PHC3: variants seen among roughly 807,000 people sequenced by gnomAD.
PHC3 encodes the protein polyhomeotic homolog 3.
A neutral mutation model predicts 107.4 loss-of-function variants in PHC3; 13 were observed. That is an observed-to-expected ratio of 0.12 (90% CI 0.08 to 0.19). The LOEUF is 0.19. Ranked by LOEUF, PHC3 falls within the 10% of genes least tolerant of loss-of-function variation. The pLI, the probability that PHC3 is intolerant of heterozygous loss-of-function variation, is 1.00. For missense variants in PHC3, 992 were observed against 1,210.9 expected (o/e 0.82, Z 2.68); for synonymous variants, 456 against 427.4 (o/e 1.07, Z -0.83).
intron 10 of PHC3, among the ~76,000 whole-genome samples, chr3:170,115,879 A>T (rs868511667): frequency 6.9e-6 from 1 of 144,226 alleles, no homozygotes; most frequent in Non-Finnish European, 1.5e-5. Context: ...CAAGTTTCTC[A>T]CACACACACA....
At chr3:170,168,867 A>C (rs1729153150) in intron 4 of PHC3, among the ~76,000 whole-genome samples, 1 of 152,104 alleles carries the variant, frequency 6.6e-6, no homozygotes, top group South Asian at 2.1e-4. Flanking sequence ...TTACCTATAC[A>C]TTCAATTAAC....
Position 170,129,533 on chromosome 3 carries a change from C to G in PHC3, c.939G>C (p.Gln313His). The G allele has an allele frequency of 6.2e-7, 1 of 1,613,064 alleles. No homozygotes were observed. The highest frequency in any genetic ancestry group is 2.2e-5 in the East Asian group (1 of 44,862). ...GCTGATGTTTTATTAGAGAATGAGG[C>G]TGAATTGGAGAATATGAAGCTGTGA... Reference protein sequence around the residue: ...LIAPASYSPIQPHSLIKHQQI... With the variant: ...LIAPASYSPIHPHSLIKHQQI... The change falls in exon 8 of 15, where the codon CAG becomes CAC. Residue 313 changes from glutamine (Q) to histidine (H), a missense_variant. This residue lies in a region of PHC3 where 543 missense variants were observed against 590.8 expected (regional missense o/e 0.92). Transcript: ENST00000495893.
chr3:170,107,011 G>A (rs1054721692), intron 11 of PHC3, 65 bp from the exon 12 acceptor site: 32 of 1,200,686 alleles, frequency 2.7e-5, no homozygotes, highest in Non-Finnish European at 3.5e-5. Context: ...TTTTCTTTAA[G>A]TCTATACTTT....
intron 4 of PHC3, among the ~76,000 whole-genome samples, chr3:170,159,517 AAC>A (rs940573231): frequency 6.6e-6 from 1 of 152,208 alleles, no homozygotes; most frequent in African/African-American, 2.4e-5. Flanking sequence ...CAGAAAGGTC[AAC>A]ATTCAACCAA....
At chr3:170,115,877 T>TCACACACA (rs148039100) in intron 10 of PHC3, among the ~76,000 whole-genome samples, 49,670 of 148,320 alleles carry the variant, frequency 0.33, 8,081 homozygotes, top group Admixed American at 0.42. Context: ...TCCAAGTTTC[T>TCACACACA]CACACACACA....
chr3:170,140,645 C>G (rs137973102), intron 6 of PHC3, among the ~76,000 whole-genome samples: 1,530 of 122,068 alleles, frequency 0.013, 41 homozygotes, highest in African/African-American at 0.046. Flanking sequence ...CCACGCCGGA[C>G]TGTAGTGGTG....
intron 2 of PHC3, among the ~76,000 whole-genome samples, chr3:170,176,286 G>A (rs1405304846): frequency 2.7e-5 from 4 of 150,134 alleles, no homozygotes; most frequent in African/African-American, 7.3e-5. Flanking sequence ...CTCAGAGAAA[G>A]GTAAAAAACA....
At chr3:170,121,770 A>G (rs893396747) in intron 9 of PHC3, among the ~76,000 whole-genome samples, 2 of 152,232 alleles carry the variant, frequency 1.3e-5, no homozygotes, top group African/African-American at 4.8e-5. Context: ...TTTGGAAAGC[A>G]TTATTTAAAT....
intron 14 of PHC3, among the ~76,000 whole-genome samples, chr3:170,100,055 T>G (rs969360910): frequency 1.3e-5 from 2 of 152,160 alleles, no homozygotes; most frequent in Non-Finnish European, 2.9e-5. Context: ...TGTTAACAGC[T>G]CTGAGATTCT....
intron 5 of PHC3, among the ~76,000 whole-genome samples, 172 bp from the exon 6 acceptor site, chr3:170,145,693 C>T (rs1171620812): frequency 6.6e-6 from 1 of 152,006 alleles, no homozygotes; most frequent in Non-Finnish European, 1.5e-5. Flanking sequence ...TAATAGAGAA[C>T]TCAAAAAAAA....
intron 4 of PHC3, among the ~76,000 whole-genome samples, chr3:170,168,948 G>A (rs1298895209): frequency 6.6e-6 from 1 of 150,512 alleles, no homozygotes; most frequent in Non-Finnish European, 1.5e-5. Context: ...GAAGTGTTTC[G>A]GATTTTTTTT....
chr3:170,099,290 A>C (rs1715076842), intron 14 of PHC3, among the ~76,000 whole-genome samples: 1 of 152,196 alleles, frequency 6.6e-6, no homozygotes, highest in Non-Finnish European at 1.5e-5. Context: ...TGTTTTGGGA[A>C]TTAGCACGAT....
intron 8 of PHC3, among the ~76,000 whole-genome samples, chr3:170,125,115 T>C (rs988261046): frequency 1.3e-5 from 2 of 152,186 alleles, no homozygotes; most frequent in Non-Finnish European, 2.9e-5. Context: ...CTCACAACCC[T>C]GCACCTGGAA....
At chr3:170,120,134 ACT>A (rs748998516) in intron 9 of PHC3, among the ~76,000 whole-genome samples, 44 of 152,256 alleles carry the variant, frequency 2.9e-4, no homozygotes, top group Non-Finnish European at 5.1e-4. Context: ...TTTTTTGGTA[ACT>A]CTAATCTCAT....
chr3:170,133,986 G>C (rs1182977150), intron 7 of PHC3, among the ~76,000 whole-genome samples: 1 of 151,954 alleles, frequency 6.6e-6, no homozygotes, highest in Admixed American at 6.6e-5. Flanking sequence ...GGAATCACTA[G>C]AAATTGTCCC....
At chr3:170,141,896 G>A (rs144089011) in intron 6 of PHC3, among the ~76,000 whole-genome samples, 14 of 152,248 alleles carry the variant, frequency 9.2e-5, no homozygotes, top group African/African-American at 3.4e-4. Flanking sequence ...GAGCTACCTC[G>A]CCCGGCCTGT....
chr3:170,166,039 T>A (rs1332289432), intron 4 of PHC3, among the ~76,000 whole-genome samples: 3 of 149,960 alleles, frequency 2.0e-5, no homozygotes, highest in Non-Finnish European at 4.4e-5. Flanking sequence ...CACCAAATAA[T>A]AATTTTATTT....
intron 8 of PHC3, among the ~76,000 whole-genome samples, chr3:170,127,816 T>G (rs73879173): frequency 0.11 from 16,895 of 152,172 alleles, 1,000 homozygotes; most frequent in Middle Eastern, 0.16. Context: ...TATTTCAGTT[T>G]TATAAATCTT....
chr3:170,152,328 G>A (rs1726125140), intron 4 of PHC3, among the ~76,000 whole-genome samples: 2 of 145,530 alleles, frequency 1.4e-5, no homozygotes, highest in South Asian at 4.4e-4. Context: ...CCACCACCAC[G>A]CCTGGCTAAT....
Sources: allele counts gnomAD v4.1 joint callset (sites outside exome capture counted in the v4.1 genomes callset), GRCh38; gene constraint gnomAD v4.1.1; regional missense constraint gnomAD v4.1.1; transcripts MANE v1.5; gene names NCBI Gene and HGNC (gene_info 2026-07-23, HGNC 2026-07-21).